Variants in MICU3 observed in about 807,000 individuals in gnomAD.
The protein encoded by MICU3 is calcium uptake protein 3, mitochondrial.
MICU3 carries 62 observed loss-of-function variants against 66.5 expected under a neutral mutation model. The observed-to-expected ratio is 0.93, with a 90% CI of 0.76 to 1.15. The LOEUF (loss-of-function observed/expected upper bound fraction) is 1.15. Ranked by LOEUF, MICU3 falls within the 50% of genes most tolerant of loss-of-function variation. The pLI is 0.00. For missense variants in MICU3, 779 were observed against 664.4 expected (o/e 1.17, Z -1.90); for synonymous variants, 308 against 240.7 (o/e 1.28, Z -2.59).
chr8:17,027,798 T>A, intron 1 of MICU3, 138 bp downstream of exon 1: 1 of 1,101,804 alleles, frequency 9.1e-7, no homozygotes, highest in Non-Finnish European at 1.2e-6. Context: ...GGCTGACACC[T>A]AGGCCGGACA....
intron 1 of MICU3, 87 bp downstream of exon 1, chr8:17,027,747 G>A (rs550697339): frequency 3.2e-6 from 4 of 1,238,362 alleles, no homozygotes; most frequent in Middle Eastern, 6.2e-4. Context: ...TGGGGACGGT[G>A]CAAGCGCTGT....
intron 1 of MICU3, 82 bp from the exon 2 acceptor site, chr8:17,064,002 C>A: frequency 9.9e-7 from 1 of 1,009,856 alleles, no homozygotes; most frequent in South Asian, 2.3e-5. Context: ...TCTGTTTATT[C>A]ACTTTCAACA....
At chr8:17,060,993 G>A (rs1031779618) in intron 1 of MICU3, among the ~76,000 whole-genome samples, 1 of 152,084 alleles carries the variant, frequency 6.6e-6, no homozygotes, top group African/African-American at 2.4e-5. Context: ...ACTCTGCTTG[G>A]TAAGATTTCT....
Position 17,118,711 on chromosome 8 carries a change from A to G in MICU3, c.1529A>G (p.Tyr510Cys). 6.2e-7 allele frequency: 1 copy of G among 1,606,786 alleles called. No homozygotes were observed. Reference protein sequence around the residue: ...KDRLHRGFRGYKTVQKYPTFK... With the variant: ...KDRLHRGFRGCKTVQKYPTFK... ...CTTTGCTCTTCTGTTTTACAGGGTT[A>G]TAAAACAGTCCAGAAGTACCCCACT... Residue 510 changes from tyrosine (Y) to cysteine (C), a missense_variant, in exon 14 of 15, where the codon TAT (tyrosine) becomes TGT (cysteine). Physicochemically the swap from Tyr to Cys is radical, Grantham distance 194. Transcript: ENST00000318063.
At chr8:17,106,643 C>A (rs776258247) in intron 11 of MICU3, among the ~76,000 whole-genome samples, 1 of 150,402 alleles carries the variant, frequency 6.6e-6, no homozygotes, top group African/African-American at 2.4e-5. Flanking sequence ...CTGAAAAATT[C>A]CAATTTCTAG....
intron 1 of MICU3, among the ~76,000 whole-genome samples, chr8:17,047,635 C>T (rs545400944): frequency 2.0e-5 from 3 of 152,268 alleles, no homozygotes; most frequent in South Asian, 2.1e-4. Context: ...ACGAATCCAT[C>T]GCAACAGACA....
At chr8:17,083,458 G>A (rs1382629212) in intron 5 of MICU3, among the ~76,000 whole-genome samples, 1 of 152,078 alleles carries the variant, frequency 6.6e-6, no homozygotes, top group Non-Finnish European at 1.5e-5. Context: ...TTACGGGAAA[G>A]AGCGCTTATC....
intron 11 of MICU3, among the ~76,000 whole-genome samples, chr8:17,111,109 C>T (rs566744388): frequency 6.6e-6 from 1 of 152,154 alleles, no homozygotes; most frequent in African/African-American, 2.4e-5. Flanking sequence ...TAATTATATT[C>T]AGCATCTTTT....
intron 1 of MICU3, among the ~76,000 whole-genome samples, chr8:17,055,882 T>C (rs1336963435): frequency 6.6e-6 from 1 of 152,216 alleles, no homozygotes; most frequent in Non-Finnish European, 1.5e-5. Context: ...GGTGAAGGTC[T>C]TGATCATTGA....
chr8:17,089,744 G>C (rs1401525420), intron 7 of MICU3, among the ~76,000 whole-genome samples: 1 of 151,944 alleles, frequency 6.6e-6, no homozygotes, highest in African/African-American at 2.4e-5. Context: ...GACCACATGT[G>C]ATTGGTATGG....
intron 1 of MICU3, among the ~76,000 whole-genome samples, chr8:17,043,148 C>G (rs947200603): frequency 1.3e-5 from 2 of 151,496 alleles, no homozygotes; most frequent in Non-Finnish European, 2.9e-5. Context: ...ACCGTGTTAG[C>G]CAGGATGGTC....
chr8:17,083,419 A>G (rs1006173888), intron 5 of MICU3, among the ~76,000 whole-genome samples: 2 of 152,112 alleles, frequency 1.3e-5, no homozygotes, highest in South Asian at 4.1e-4. Context: ...TACAAAGGCA[A>G]TCTAGTCCCC....
chr8:17,135,468 G>A, the MICU3 span, among the ~76,000 whole-genome samples: 6 of 151,876 alleles, frequency 4.0e-5, no homozygotes, highest in East Asian at 1.9e-4. Context: ...AGAAGCAACT[G>A]ATTTTATTTG....
chr8:17,105,497 T>A lies in MICU3; in HGVS notation c.1170T>A (p.Asp390Glu). 6.3e-7 allele frequency: 1 copy of A among 1,575,540 alleles called. No homozygotes were observed. Residue 390 changes from aspartate to glutamate, a missense_variant, in exon 11 of 15, where the codon GAT becomes GAA. Transcript: ENST00000318063. Reference protein sequence around the residue: ...SNGMNTISEEDFAHILLRYTN... With the variant: ...SNGMNTISEEEFAHILLRYTN... ...GAATGAATACCATCAGTGAAGAAGA[T>A]TTTGCTCATATTCTTTTACGATATA...
In MICU3 at chr8:17,121,466, G is replaced by C. The variant is rs1803191445; in HGVS notation, c.*1179G>C. 6.6e-6 allele frequency: 1 copy of C among 151,874 alleles called. No individual in the cohort carries two copies. 9.4% of individuals were successfully genotyped at this position (151,874 alleles called of 1,614,324 possible). On this transcript the variant is annotated 3_prime_UTR_variant, in exon 15 of 15. Transcript: ENST00000318063. Reference sequence around the variant, plus strand: ...AATAGAAATCTGTTCAATTAAAAATGCTTAGTTTATACAAAGATACTACAC... The same window carrying C: ...AATAGAAATCTGTTCAATTAAAAATCCTTAGTTTATACAAAGATACTACAC...
intron 12 of MICU3, among the ~76,000 whole-genome samples, chr8:17,114,857 C>A (rs544574092): frequency 6.6e-6 from 1 of 152,098 alleles, no homozygotes; most frequent in South Asian, 2.1e-4. Flanking sequence ...CGGTGGCTCA[C>A]GCCTGTAATC....
chr8:17,137,404 A>G, the MICU3 span, among the ~76,000 whole-genome samples: 1 of 151,980 alleles, frequency 6.6e-6, no homozygotes, highest in Non-Finnish European at 1.5e-5. Flanking sequence ...TTATTTACTT[A>G]GAATGATATT....
intron 8 of MICU3, among the ~76,000 whole-genome samples, chr8:17,096,211 TC>T (rs1489230796): frequency 7.9e-5 from 12 of 151,940 alleles, no homozygotes; most frequent in African/African-American, 2.9e-4. Flanking sequence ...CATCAAAGTG[TC>T]CAGTTACACC....
At chr8:17,131,255 T>C in the MICU3 span, 1 of 152,202 alleles carries the variant, frequency 6.6e-6, no homozygotes, top group African/African-American at 2.4e-5. Context: ...GCTCCCAATA[T>C]AGAGCTTTCC....
Sources: gnomAD v4.1 joint callset for allele counts (sites outside exome capture counted in the v4.1 genomes callset) on GRCh38, gnomAD v4.1.1 for gene constraint, MANE v1.5 for transcripts, NCBI Gene and HGNC (gene_info 2026-07-23, HGNC 2026-07-21) for gene names.